SYNJ2: variants seen among roughly 807,000 people sequenced by gnomAD.
SYNJ2 encodes the protein synaptojanin 2, also known as polyphosphatidylinositol phosphatase SYNJ2.
SYNJ2 carries 116 observed loss-of-function variants against 141.3 expected under a neutral mutation model. That is an observed-to-expected ratio of 0.82 (90% CI 0.71 to 0.96). The LOEUF (loss-of-function observed/expected upper bound fraction) is 0.96. Among genes scored for constraint, SYNJ2 ranks in the 40% least tolerant of loss-of-function variants. The probability of loss-of-function intolerance (pLI) is 0.00; values close to 1 mark genes in which losing one functional copy is unlikely to be tolerated. For synonymous variants in SYNJ2, 745 were observed against 777.7 expected, an observed-to-expected ratio of 0.96 and a Z score of 0.70; for missense variants, 1,873 against 1,934.8, an observed-to-expected ratio of 0.97 and a Z score of 0.60.
At chr6:158,003,723 C>A (rs892429727) in intron 1 of SYNJ2, among the ~76,000 whole-genome samples, 3 of 152,208 alleles carry the variant, frequency 2.0e-5, no homozygotes, top group Non-Finnish European at 4.4e-5. Context: ...TGGACTGGCT[C>A]TGGGTGACCA....
chr6:158,088,587 C>T (rs1783230766), intron 23 of SYNJ2, 73 bp from the exon 24 acceptor site: 12 of 1,124,594 alleles, frequency 1.1e-5, no homozygotes, highest in Non-Finnish European at 1.6e-5. Flanking sequence ...CTCGTCTAGT[C>T]GGGCTCCTGG....
Position 158,046,899 on chromosome 6 carries a change from C to T in SYNJ2, c.795+3500C>T, listed in dbSNP as rs6928826. The stretch of plus-strand genomic sequence containing the variant: ...TGGTCATTGTAGAAGCTTCCCCCCA[C>T]CATATGCTGTATAGACACGTGCCTT... On this transcript the variant is annotated intron_variant, in intron 5 of 26. Coordinates refer to ENST00000355585, the MANE Select transcript of SYNJ2 (RefSeq NM_003898.4). Among the ~76,000 whole-genome samples, 947 of 151,680 alleles carry T rather than the reference C, an allele frequency of 6.2e-3. 9 individuals carry two copies. Among genetic ancestry groups the T allele is most frequent in the African/African-American group, 0.022 (891 of 41,322 alleles).
Position 158,083,491 on chromosome 6 carries a change from G to A in SYNJ2, c.2928G>A (p.Glu976=). Residue 976 remains glutamate (E), a synonymous_variant, in exon 21 of 27, where the codon GAG becomes GAA. Coordinates refer to ENST00000355585, the MANE Select transcript of SYNJ2 (RefSeq NM_003898.4). ...KTKDWLKGLR[E]EIIRKRDSMA... ...AGGACTGGCTGAAAGGTTTGCGAGAGGAGATCATTCGGAAACGAGACAGCA... is the reference window on the plus strand; with the variant it reads ...AGGACTGGCTGAAAGGTTTGCGAGAAGAGATCATTCGGAAACGAGACAGCA... The A allele has an allele frequency of 6.2e-7, 1 of 1,614,174 alleles. No individual in the cohort carries two copies. Among genetic ancestry groups the A allele is most frequent in the Admixed American group, 1.7e-5 (1 of 60,026 alleles).
In SYNJ2 at chr6:158,071,044, G is replaced by A. The variant is rs948081988; in HGVS notation, c.1941-558G>A. ...CTAAAAATACAAAAATTAGCCGGGC[G>A]TGATGGTGGGTACCTGTAATCCCAG... On this transcript the variant is annotated intron_variant, in intron 14 of 26. Transcript: ENST00000355585. This position sits in a 1 kb window ranked among gnomAD's most constrained non-coding sequence, Gnocchi z 4.3. Among the ~76,000 whole-genome samples, 16 of 152,216 alleles carry A rather than the reference G, an allele frequency of 1.1e-4. No homozygotes were observed. The highest frequency in any genetic ancestry group is 3.6e-4 in the African/African-American group (15 of 41,528).
intron 16 of SYNJ2, among the ~76,000 whole-genome samples, chr6:158,076,145 A>G (rs1166166915): frequency 6.6e-6 from 1 of 152,188 alleles, no homozygotes; most frequent in Non-Finnish European, 1.5e-5. Context: ...CCGTGATTGC[A>G]CCACTGTATT....
chr6:158,075,950 C>T (rs1018716651), intron 16 of SYNJ2, among the ~76,000 whole-genome samples: 5 of 108,326 alleles, frequency 4.6e-5, no homozygotes, highest in Admixed American at 3.3e-4. Context: ...TGGGGGCTCA[C>T]GACTGTAAGG....
In SYNJ2 at chr6:158,040,649, T is replaced by A. The variant is rs1417093860; in HGVS notation, c.712-2667T>A. Among the ~76,000 whole-genome samples, 2 of 152,140 alleles carry A rather than the reference T, an allele frequency of 1.3e-5. No individual in the cohort carries two copies. The highest frequency in any genetic ancestry group is 2.9e-5 in the Non-Finnish European group (2 of 68,032). On this transcript the variant is annotated intron_variant, in intron 4 of 26. Coordinates refer to ENST00000355585, the MANE Select transcript of SYNJ2 (RefSeq NM_003898.4). This position sits in a 1 kb window ranked among gnomAD's most constrained non-coding sequence, Gnocchi z 4.2. The stretch of plus-strand genomic sequence containing the variant: ...CCAGGAATGCAGACTTGGAGATAAT[T>A]GGTTTGCAGACACTGTATCTGGAAG...
chr6:158,087,421 G>A (rs1052677207), intron 23 of SYNJ2, among the ~76,000 whole-genome samples: 6 of 152,190 alleles, frequency 3.9e-5, no homozygotes, highest in African/African-American at 1.4e-4. Flanking sequence ...TCTGCGCTCC[G>A]AGGCCTCCTG....
chr6:158,059,781 C>G (rs1261506190), intron 7 of SYNJ2, among the ~76,000 whole-genome samples: 2 of 152,202 alleles, frequency 1.3e-5, no homozygotes, highest in Non-Finnish European at 2.9e-5. Context: ...TCAAGAACTC[C>G]TGACCTCAGG....
intron 20 of SYNJ2, among the ~76,000 whole-genome samples, chr6:158,081,732 C>T (rs563853214): frequency 6.7e-6 from 1 of 149,290 alleles, no homozygotes; most frequent in Non-Finnish European, 1.5e-5. Context: ...AGCAATCCTC[C>T]CATCTCAGCC....
chr6:158,068,027 T>A, intron 12 of SYNJ2: 1 of 976,974 alleles, frequency 1.0e-6, no homozygotes, highest in Non-Finnish European at 1.2e-6. Flanking sequence ...GGGTAGACAC[T>A]AGCAGGCTCC....
chr6:158,092,587 G>C (rs1281412676), intron 25 of SYNJ2, among the ~76,000 whole-genome samples: 1 of 152,056 alleles, frequency 6.6e-6, no homozygotes, highest in Admixed American at 6.6e-5. Context: ...AACATAGTGA[G>C]ACCTCATCTC....
At chr6:158,004,115 AC>A (rs1261244339) in intron 1 of SYNJ2, among the ~76,000 whole-genome samples, 1 of 152,142 alleles carries the variant, frequency 6.6e-6, no homozygotes, top group East Asian at 1.9e-4. Context: ...CCGAAAGGGA[AC>A]CAGCTCAGTT....
In SYNJ2 at chr6:158,064,807, C is replaced by T. The variant is rs779711981; in HGVS notation, c.1360-19C>T. ...CCCCAGGGACCCCCCTCACGGCCTG[C>T]GGTCTGGGCTCTCGGCAGGTGGGGA... On this transcript the variant is annotated intron_variant, in intron 10 of 26. Coordinates refer to ENST00000355585, the MANE Select transcript of SYNJ2 (RefSeq NM_003898.4). The T allele has an allele frequency of 7.5e-6, 12 of 1,608,892 alleles. No individual in the cohort carries two copies. Among genetic ancestry groups the T allele is most frequent in the East Asian group, 4.5e-5 (2 of 44,754 alleles).
At chr6:158,026,441 C>T (rs750901715) in intron 2 of SYNJ2, among the ~76,000 whole-genome samples, 27 of 152,274 alleles carry the variant, frequency 1.8e-4, no homozygotes, top group Admixed American at 6.5e-5. Context: ...ATGGAGTCCG[C>T]GCCTGTACAG....
At chr6:158,017,183 T>C (rs771039025) in intron 1 of SYNJ2, 21 bp from the exon 2 acceptor site, 11 of 1,611,920 alleles carry the variant, frequency 6.8e-6, no homozygotes, top group East Asian at 2.2e-5. Context: ...TGATGCCTTC[T>C]GTGATGTGTT....
At chr6:157,995,812 T>C (rs575333551) in intron 1 of SYNJ2, among the ~76,000 whole-genome samples, 21 of 152,284 alleles carry the variant, frequency 1.4e-4, no homozygotes, top group Middle Eastern at 3.4e-3. Flanking sequence ...TAAAAATCAA[T>C]AGCCTTCCCA....
chr6:158,069,155 A>G (rs1158365819), intron 13 of SYNJ2, among the ~76,000 whole-genome samples: 3 of 152,112 alleles, frequency 2.0e-5, no homozygotes, highest in African/African-American at 7.2e-5. Flanking sequence ...ACCAGGGCAA[A>G]GGAAAAAATC....
Position 158,084,571 on chromosome 6 carries a change from G to A in SYNJ2, c.3208+397G>A, listed in dbSNP as rs1033065456. ...TGTAATCCCAGCACTTTGGGAGGCCGAGACAGGTGGATCGCTTGAGGTCAG... is the reference window on the plus strand; with the variant it reads ...TGTAATCCCAGCACTTTGGGAGGCCAAGACAGGTGGATCGCTTGAGGTCAG... On this transcript the variant is annotated intron_variant, in intron 22 of 26. Coordinates refer to ENST00000355585, the MANE Select transcript of SYNJ2 (RefSeq NM_003898.4). This position sits in a 1 kb window ranked among gnomAD's most constrained non-coding sequence, Gnocchi z 5.0. Among the ~76,000 whole-genome samples, 2 of 152,086 alleles carry A rather than the reference G, an allele frequency of 1.3e-5. No individual in the cohort carries two copies. The highest frequency in any genetic ancestry group is 2.9e-5 in the Non-Finnish European group (2 of 68,018).
Sources: gnomAD v4.1 joint callset for allele counts (sites outside exome capture counted in the v4.1 genomes callset) on GRCh38, gnomAD v4.1.1 for gene constraint, Gnocchi (gnomAD v3.1) non-coding constraint, MANE v1.5 for transcripts, NCBI Gene and HGNC (gene_info 2026-07-23, HGNC 2026-07-21) for gene names.